Variants in SDC2 observed in about 807,000 individuals in gnomAD.
The protein encoded by SDC2 is syndecan-2.
Under a neutral mutation model 22.2 loss-of-function variants are expected in SDC2, and 13 were observed. The ratio of observed to expected loss-of-function variants is 0.59; its 90% confidence interval spans 0.38 to 0.93. The LOEUF is 0.93. Ranked by LOEUF, SDC2 falls within the 40% of genes least tolerant of loss-of-function variation. SDC2 has a pLI of 0.00. For missense variants in SDC2, 235 were observed against 246.8 expected, an observed-to-expected ratio of 0.95 and a Z score of 0.32; for synonymous variants, 94 against 92.8, an observed-to-expected ratio of 1.01 and a Z score of -0.07.
At chr8:96,575,370 G>A (rs1367382358) in intron 1 of SDC2, among the ~76,000 whole-genome samples, 1 of 142,672 alleles carries the variant, frequency 7.0e-6, no homozygotes, top group African/African-American at 2.6e-5. Flanking sequence ...GGGTGGTGGG[G>A]GTAGGGTGGG....
intron 1 of SDC2, among the ~76,000 whole-genome samples, chr8:96,578,326 T>G (rs2130599681): frequency 6.6e-6 from 1 of 152,286 alleles, no homozygotes; most frequent in Non-Finnish European, 1.5e-5. Context: ...GAACTTAAAT[T>G]GATTGAAAAG....
intron 1 of SDC2, among the ~76,000 whole-genome samples, chr8:96,496,768 C>T (rs1241857125): frequency 6.6e-6 from 1 of 152,112 alleles, no homozygotes; most frequent in East Asian, 1.9e-4. Context: ...ATACTTAGCT[C>T]TGGGGGTAAA....
rs117484671 is a variant in SDC2, at chr8:96,525,049, G to A, written c.60+30718G>A. On this transcript the variant is annotated intron_variant, in intron 1 of 4. Coordinates refer to ENST00000302190, the MANE Select transcript of SDC2 (RefSeq NM_002998.4). ...AATTGGGTCACAATAATGTAAAATC[G>A]TAGTCTGTACTTTCAGCTCATTCCA... is the stretch of plus-strand genomic sequence containing the variant. 4.7e-4 allele frequency among the ~76,000 whole-genome samples: 71 copies of A among 152,282 alleles called. 2 individuals carry two copies. The East Asian group carries it at 0.01, about 22-fold the overall frequency.
At chr8:96,539,724 G>T (rs1404658594) in intron 1 of SDC2, among the ~76,000 whole-genome samples, 1 of 152,130 alleles carries the variant, frequency 6.6e-6, no homozygotes, top group East Asian at 1.9e-4. Context: ...ACTTAACAAG[G>T]CAGTCTACTC....
chr8:96,529,593 C>T (rs1015489454), intron 1 of SDC2, among the ~76,000 whole-genome samples: 2 of 152,148 alleles, frequency 1.3e-5, no homozygotes, highest in African/African-American at 2.4e-5. Context: ...TCCAAGGTTT[C>T]TTGCTCAGTG....
chr8:96,581,257 T>C (rs1410353819), intron 1 of SDC2, among the ~76,000 whole-genome samples: 2 of 152,212 alleles, frequency 1.3e-5, no homozygotes, highest in Non-Finnish European at 2.9e-5. Flanking sequence ...TATTTTTTAA[T>C]TAAGCATGTA....
At position 96,546,060 on chromosome 8, in the gene SDC2, T is replaced by G. The variant is rs191833740; in HGVS notation, c.61-47420T>G. Among the ~76,000 whole-genome samples the G allele has an allele frequency of 7.1e-4, 108 of 152,328 alleles. 1 individual carries two copies. Among genetic ancestry groups the G allele is most frequent in the Non-Finnish European group, 1.2e-3 (85 of 68,036 alleles). On this transcript the variant is annotated intron_variant, in intron 1 of 4. Transcript: ENST00000302190. ...GACCGCTGACAAAGGAGTTCACTCC[T>G]CTGTAAACTGTTAAGGAATTGCAAA...
chr8:96,555,073 C>G (rs1442044555), intron 1 of SDC2, among the ~76,000 whole-genome samples: 1 of 151,978 alleles, frequency 6.6e-6, no homozygotes, highest in Non-Finnish European at 1.5e-5. Flanking sequence ...ATCCACTTCC[C>G]TCTGCTTGGA....
intron 1 of SDC2, among the ~76,000 whole-genome samples, chr8:96,509,974 T>C (rs1813303940): frequency 6.6e-6 from 1 of 152,314 alleles, no homozygotes; most frequent in South Asian, 2.1e-4. Context: ...TCGAGAGGTC[T>C]TTAGACAGAA....
intron 1 of SDC2, among the ~76,000 whole-genome samples, chr8:96,534,234 G>A (rs551163466): frequency 5.9e-5 from 9 of 152,254 alleles, no homozygotes; most frequent in East Asian, 5.8e-4. Flanking sequence ...CCCCAGCCTC[G>A]GCTAGCCCAG....
chr8:96,595,033 A>G (rs919897532), intron 2 of SDC2, among the ~76,000 whole-genome samples: 5 of 152,348 alleles, frequency 3.3e-5, no homozygotes, highest in African/African-American at 1.2e-4. Context: ...CAGCCAAACC[A>G]TATCAACCCC....
At chr8:96,565,084 A>ATTTTTTTTGTTTTTTTTTTTTTTTTTT (rs1814274194) in intron 1 of SDC2, among the ~76,000 whole-genome samples, 1 of 67,798 alleles carries the variant, frequency 1.5e-5, no homozygotes, top group Non-Finnish European at 2.9e-5. Flanking sequence ...CCTAAATTTG[A>ATTTTTTTTGTTTTTTTTTTTTTTTTTT]TTTTTTTTTT....
At chr8:96,590,857 A>G (rs1056664632) in intron 1 of SDC2, among the ~76,000 whole-genome samples, 5 of 152,148 alleles carry the variant, frequency 3.3e-5, no homozygotes, top group Non-Finnish European at 5.9e-5. Flanking sequence ...GCCTTTAAAC[A>G]CATTAAACAT....
At chr8:96,601,759 G>A (rs561188086) in intron 2 of SDC2, among the ~76,000 whole-genome samples, 2 of 151,828 alleles carry the variant, frequency 1.3e-5, no homozygotes, top group African/African-American at 2.4e-5. Flanking sequence ...TTTGTTGTGG[G>A]TTTTTTTAAT....
At chr8:96,571,245 G>A (rs1814388906) in intron 1 of SDC2, among the ~76,000 whole-genome samples, 1 of 152,128 alleles carries the variant, frequency 6.6e-6, no homozygotes, top group South Asian at 2.1e-4. Flanking sequence ...TCACATTTGT[G>A]TCCTATGAAA....
chr8:96,603,505 A>G (rs1563678712), intron 3 of SDC2, among the ~76,000 whole-genome samples: 1 of 152,234 alleles, frequency 6.6e-6, no homozygotes, highest in Non-Finnish European at 1.5e-5. Flanking sequence ...CCATCTGTTG[A>G]TTAGAAATGA....
chr8:96,516,736 C>G (rs534057467), intron 1 of SDC2, among the ~76,000 whole-genome samples: 18 of 152,262 alleles, frequency 1.2e-4, no homozygotes, highest in African/African-American at 4.3e-4. Flanking sequence ...AAGGTTCATT[C>G]ATGTTGTAGC....
intron 1 of SDC2, among the ~76,000 whole-genome samples, chr8:96,530,837 T>C (rs1471336021): frequency 6.6e-6 from 1 of 152,248 alleles, no homozygotes; most frequent in African/African-American, 2.4e-5. Context: ...CCATGGGCAG[T>C]ATCTCAGGAA....
chr8:96,519,254 A>C (rs1318227822), intron 1 of SDC2, among the ~76,000 whole-genome samples: 1 of 152,136 alleles, frequency 6.6e-6, no homozygotes, highest in African/African-American at 2.4e-5. Context: ...GGAAATCATA[A>C]AGCTGATTTA....
Sources: allele counts gnomAD v4.1 joint callset (sites outside exome capture counted in the v4.1 genomes callset), GRCh38; gene constraint gnomAD v4.1.1; transcripts MANE v1.5; gene names NCBI Gene and HGNC (gene_info 2026-07-23, HGNC 2026-07-21).